Variants in RYR3 observed in about 807,000 individuals in gnomAD.
The protein encoded by RYR3 is brain ryanodine receptor-calcium release channel.
In RYR3, 207 loss-of-function variants were observed where a neutral mutation model predicts 584.3. The ratio of observed to expected loss-of-function variants is 0.35; its 90% confidence interval spans 0.32 to 0.40. The LOEUF (loss-of-function observed/expected upper bound fraction) is 0.40. Among genes scored for constraint, RYR3 ranks in the 10% least tolerant of loss-of-function variants. The pLI is 1.00. For missense variants in RYR3, 5,616 were observed against 6,089.2 expected (o/e 0.92, Z 2.59); for synonymous variants, 2,416 against 2,248.5 (o/e 1.07, Z -2.11).
In RYR3 at chr15:33,838,553, G is replaced by C. The variant is rs1369438766; in HGVS notation, c.12573G>C (p.Leu4191=). ...TGCTCTTCTCCTTTTTCTGGATGCT[G>C]TTCGTGGGGCTATTCCAGTTGCTCT... ...VKVLFSFFWM[L]FVGLFQLLFT... The change falls in exon 89 of 104, where the codon CTG becomes CTC. Residue 4191 remains leucine (L), a synonymous_variant. Transcript: ENST00000634891. 6.2e-7 allele frequency: 1 copy of C among 1,613,924 alleles called. No homozygotes were observed.
intron 27 of RYR3, 137 bp downstream of exon 27, chr15:33,636,687 A>G (rs932880068): frequency 2.8e-6 from 2 of 710,050 alleles, no homozygotes; most frequent in African/African-American, 1.8e-5. Context: ...GGTGAAGACG[A>G]TCCCATAGAC....
intron 19 of RYR3, among the ~76,000 whole-genome samples, chr15:33,618,160 A>AT (rs147251810): frequency 0.066 from 9,979 of 151,522 alleles, 371 homozygotes; most frequent in African/African-American, 0.1. Context: ...TTGGGTGCTA[A>AT]TTTTTTTTTG....
intron 47 of RYR3, among the ~76,000 whole-genome samples, chr15:33,731,039 TAC>T (rs1365183498): frequency 6.6e-6 from 1 of 152,228 alleles, no homozygotes. Context: ...GTTGTAAAAT[TAC>T]AGTGTGTGAG....
intron 2 of RYR3, among the ~76,000 whole-genome samples, chr15:33,485,902 G>C (rs2050378065): frequency 6.6e-6 from 1 of 152,136 alleles, no homozygotes; most frequent in Non-Finnish European, 1.5e-5. Flanking sequence ...AATGAGGAAA[G>C]AACAAAAGAT....
rs574677903 is a variant in RYR3 at position 33,383,621 on chromosome 15, T to A, written c.51+72525T>A. Among the ~76,000 whole-genome samples the A allele has an allele frequency of 5.9e-5, 9 of 152,128 alleles. 1 individual carries two copies. In the South Asian group the frequency reaches 1.2e-3, roughly 21 times the overall value. On this transcript the variant is annotated intron_variant, in intron 1 of 103. Transcript: ENST00000634891. ...ATGGATATATTGCATGATGCTGAGG[T>A]TTGGCATACAGATGGTACCAACACC...
intron 1 of RYR3, among the ~76,000 whole-genome samples, chr15:33,335,508 G>A (rs959987012): frequency 1.1e-4 from 17 of 152,056 alleles, no homozygotes; most frequent in African/African-American, 3.9e-4. Flanking sequence ...GAGGGGAACA[G>A]CATACGTTGG....
Position 33,662,648 on chromosome 15 carries a change from C to G in RYR3, c.5118C>G (p.Ser1706Arg). The G allele has an allele frequency of 6.2e-7, 1 of 1,614,006 alleles. No homozygotes were observed. The highest frequency in any genetic ancestry group is 2.2e-5 in the East Asian group (1 of 44,880). The change falls in exon 35 of 104, where the codon AGC (serine) becomes AGG (arginine). Residue 1706 changes from serine (S) to arginine (R), a missense_variant. Transcript: ENST00000634891. Reference protein sequence around the residue: ...LSMLTEAVQCSGAHIRDPVGG... With the variant: ...LSMLTEAVQCRGAHIRDPVGG... ...TGCTGACAGAGGCAGTGCAGTGCAG[C>G]GGGGCCCACATCCGAGACCCTGTAG...
chr15:33,858,947 C>G (rs368899164), intron 99 of RYR3: 2 of 152,642 alleles, frequency 1.3e-5, no homozygotes, highest in East Asian at 3.8e-4. Flanking sequence ...CCCTAGAGTA[C>G]TGGCATGACC....
At chr15:33,716,893 A>G (rs1018161351) in intron 43 of RYR3, among the ~76,000 whole-genome samples, 2 of 152,050 alleles carry the variant, frequency 1.3e-5, no homozygotes, top group Non-Finnish European at 2.9e-5. Flanking sequence ...AATCCACTTC[A>G]TCAACATTAT....
At chr15:33,435,473 G>T (rs2045607029) in intron 1 of RYR3, among the ~76,000 whole-genome samples, 1 of 152,168 alleles carries the variant, frequency 6.6e-6, no homozygotes, top group South Asian at 2.1e-4. Context: ...GTATGTGTGT[G>T]TGTGCTATTT....
In RYR3 at chr15:33,561,905, G is replaced by GA. The variant is rs745931310; in HGVS notation, c.973-920dup. On this transcript the variant is annotated intron_variant, in intron 10 of 103. Transcript: ENST00000634891. ...CAGAGTGAGACCCTGGGCTCAAAAA[G>GA]AAAAAAAAAAAAGAGAGAGAAATGT... 5.6e-3 allele frequency among the ~76,000 whole-genome samples: 686 copies of GA among 121,656 alleles called. 5 individuals carry two copies. Among genetic ancestry groups the GA allele is most frequent in the African/African-American group, 8.8e-3 (292 of 33,096 alleles). The allele number at this position is 121,656 out of a possible 152,430, so 79.8% of individuals were successfully genotyped here.
intron 12 of RYR3, among the ~76,000 whole-genome samples, chr15:33,568,175 G>C (rs2057820870): frequency 6.6e-6 from 1 of 152,186 alleles, no homozygotes; most frequent in Non-Finnish European, 1.5e-5. Context: ...GAAAGGGAGA[G>C]TGACTGCTAC....
At chr15:33,418,169 G>T (rs1476967276) in intron 1 of RYR3, among the ~76,000 whole-genome samples, 3 of 152,008 alleles carry the variant, frequency 2.0e-5, no homozygotes, top group Non-Finnish European at 4.4e-5. Context: ...CCAGATTTGG[G>T]TATCAGAATG....
intron 2 of RYR3, among the ~76,000 whole-genome samples, chr15:33,493,369 A>G (rs73384612): frequency 0.022 from 3,323 of 152,240 alleles, 126 homozygotes; most frequent in African/African-American, 0.076. Context: ...ATGGTTTCTC[A>G]TCACAGCATC....
intron 2 of RYR3, among the ~76,000 whole-genome samples, chr15:33,494,321 C>T (rs750943289): frequency 5.3e-5 from 8 of 152,154 alleles, no homozygotes; most frequent in Non-Finnish European, 8.8e-5. Context: ...TAACCTTCTC[C>T]AATTTCCTTG....
intron 43 of RYR3, among the ~76,000 whole-genome samples, chr15:33,720,273 C>T (rs919761958): frequency 2.0e-5 from 3 of 152,166 alleles, no homozygotes; most frequent in African/African-American, 7.2e-5. Flanking sequence ...CTGAGGTAGA[C>T]TCTTCAGGGC....
intron 67 of RYR3, among the ~76,000 whole-genome samples, chr15:33,789,983 C>CTTTT (rs1567176157): frequency 1.3e-5 from 1 of 79,776 alleles, no homozygotes; most frequent in East Asian, 4.1e-4. Flanking sequence ...CACGCCTGGC[C>CTTTT]TTCTTTTTTT....
chr15:33,663,504 CAA>C, intron 35 of RYR3, 31 bp from the exon 36 acceptor site: 1 of 1,583,902 alleles, frequency 6.3e-7, no homozygotes, highest in African/African-American at 1.3e-5. Flanking sequence ...CCAAAGTACA[CAA>C]AGTGTTATCT....
At chr15:33,750,681 T>G (rs1171977723) in intron 57 of RYR3, among the ~76,000 whole-genome samples, 1 of 152,170 alleles carries the variant, frequency 6.6e-6, no homozygotes, top group African/African-American at 2.4e-5. Context: ...TAAAGAGTGG[T>G]GATAATTTGC....
Sources: allele counts gnomAD v4.1 joint callset (sites outside exome capture counted in the v4.1 genomes callset), GRCh38; gene constraint gnomAD v4.1.1; transcripts MANE v1.5; gene names NCBI Gene and HGNC (gene_info 2026-07-23, HGNC 2026-07-21).